Variants in PRX observed in about 807,000 individuals in gnomAD.
The protein encoded by PRX is periaxin.
PRX carries 24 observed loss-of-function variants against 29.6 expected under a neutral mutation model. That is an observed-to-expected ratio of 0.81 (90% CI 0.59 to 1.14). The LOEUF is 1.14. Among genes scored for constraint, PRX ranks in the 50% most tolerant of loss-of-function variants. The pLI, the probability that PRX is intolerant of heterozygous loss-of-function variation, is 0.00. For missense variants in PRX, 1,838 were observed against 1,926.4 expected (o/e 0.95, Z 0.86); for synonymous variants, 772 against 831.7 (o/e 0.93, Z 1.24).
chr19:40,396,104 C>G lies in PRX; in HGVS notation c.2248G>C (p.Val750Leu), dbSNP rs762786565. 3 of 1,614,234 alleles carry G rather than the reference C, an allele frequency of 1.9e-6. No individual in the cohort carries two copies. Among genetic ancestry groups the G allele is most frequent in the Non-Finnish European group, 2.5e-6 (3 of 1,180,046 alleles). Residue 750 changes from valine to leucine, a missense_variant, in exon 7 of 7, where the codon GTG becomes CTG. By Grantham distance (32) the Val-to-Leu change is conservative. Transcript: ENST00000324001. ...ATTTCCGGCAGCCGAATCTCTGACA[C>G]TTTCGGCAGCTGCACCTCGGGGAGG... Reference protein sequence around the residue: ...VHLPEVQLPKVSEIRLPEMQV... With the variant: ...VHLPEVQLPKLSEIRLPEMQV...
At chr19:40,407,498 C>T (rs942542704) in intron 4 of PRX, 1 of 276,356 alleles carries the variant, frequency 3.6e-6, no homozygotes, top group Non-Finnish European at 7.1e-6. Flanking sequence ...ACAGGGTCTT[C>T]CTATGTTGCC....
intron 1 of PRX, among the ~76,000 whole-genome samples, chr19:40,411,257 C>G (rs1190708528): frequency 1.3e-5 from 2 of 152,100 alleles, no homozygotes; most frequent in Non-Finnish European, 2.9e-5. Flanking sequence ...AGGCCAGGTG[C>G]CGGGCCTGGA....
rs111252437 is a variant in PRX, at chr19:40,396,109, G to A, written c.2243C>T (p.Pro748Leu). 2.1e-5 allele frequency: 34 copies of A among 1,614,122 alleles called. 1 individual carries two copies. The highest frequency in any genetic ancestry group is 2.0e-4 in the African/African-American group (15 of 75,012). The part of the protein sequence containing the change: ...PDVHLPEVQL[P>L]KVSEIRLPEM... ...CGGCAGCCGAATCTCTGACACTTTCGGCAGCTGCACCTCGGGGAGGTGCAC... is the reference window on the plus strand; with the variant it reads ...CGGCAGCCGAATCTCTGACACTTTCAGCAGCTGCACCTCGGGGAGGTGCAC... The change falls in exon 7 of 7, where the codon CCG (proline) becomes CTG (leucine). Residue 748 changes from proline to leucine, a missense_variant. By Grantham distance (98) the Pro-to-Leu change is moderately conservative. Transcript: ENST00000324001.
intron 5 of PRX, among the ~76,000 whole-genome samples, chr19:40,399,383 G>A (rs1293167012): frequency 6.6e-6 from 1 of 152,156 alleles, no homozygotes; most frequent in African/African-American, 2.4e-5. Context: ...CTCCCCCGGA[G>A]CTCCTGCCCC....
chr19:40,414,700 C>T (rs1568720425), upstream of PRX, among the ~76,000 whole-genome samples: 1 of 152,178 alleles, frequency 6.6e-6, no homozygotes, highest in Non-Finnish European at 1.5e-5. Flanking sequence ...CCTGACTCAC[C>T]AGACCCCGGG....
intron 5 of PRX, among the ~76,000 whole-genome samples, chr19:40,401,110 C>T (rs1396536543): frequency 6.6e-6 from 1 of 152,160 alleles, no homozygotes; most frequent in Non-Finnish European, 1.5e-5. Context: ...AACCCTCTTT[C>T]CATCATACCC....
In PRX at chr19:40,395,565, G is replaced by C; in HGVS notation, c.2787C>G (p.Ser929=). The C allele has an allele frequency of 6.2e-7, 1 of 1,614,126 alleles. No individual in the cohort carries two copies. The highest frequency in any genetic ancestry group is 1.1e-5 in the South Asian group (1 of 91,082). Reference sequence around the variant, plus strand: ...GTCCAAACTTAGGTAAGGAGAACTTGGAAGAGGGCTTGACTTTTGTCTCTA... The same window carrying C: ...GTCCAAACTTAGGTAAGGAGAACTTCGAAGAGGGCTTGACTTTTGTCTCTA... ...EMIETKVKPS[S]KFSLPKFGLS... The change falls in exon 7 of 7, where the codon TCC becomes TCG. Residue 929 remains serine (S), a synonymous_variant. Coordinates refer to ENST00000324001, the MANE Select transcript of PRX (RefSeq NM_181882.3).
At position 40,409,451 on chromosome 19, in the gene PRX, C is replaced by CTATTATTATTATTAT. The variant is rs141778541; in HGVS notation, c.-242-1083_-242-1069dup. Among the ~76,000 whole-genome samples, 821 of 142,346 alleles carry CTATTATTATTATTAT rather than the reference C, an allele frequency of 5.8e-3. 2 individuals carry two copies. The highest frequency in any genetic ancestry group is 9.9e-3 in the African/African-American group (381 of 38,332). The allele number at this position is 142,346 out of a possible 152,430, so 93.4% of individuals were successfully genotyped here. ...CTGGCAGGTGCTTTATAAATACTTG[C>CTATTATTATTATTAT]TATTATTATTATTATTATTATTATT... On this transcript the variant is annotated intron_variant, in intron 1 of 6. Transcript: ENST00000324001.
chr19:40,405,132 C>T (rs2079522859), intron 4 of PRX, among the ~76,000 whole-genome samples: 1 of 151,974 alleles, frequency 6.6e-6, no homozygotes, highest in Admixed American at 6.6e-5. Context: ...AGGGGGTCTG[C>T]GTGGGTAATG....
In PRX at chr19:40,398,209, A is replaced by G; in HGVS notation, c.382-239T>C. On this transcript the variant is annotated intron_variant, in intron 6 of 6. Coordinates refer to ENST00000324001, the MANE Select transcript of PRX (RefSeq NM_181882.3). This position sits in a 1 kb window ranked among gnomAD's most constrained non-coding sequence, Gnocchi z 6.3. ...GTAGGGACGGGGACCCAAGACTTCT[A>G]GATCCTGATCCGGGATTTTCCCCAA... The G allele has an allele frequency of 7.1e-7, 1 of 1,418,236 alleles. No homozygotes were observed. Among genetic ancestry groups the G allele is most frequent in the Non-Finnish European group, 9.2e-7 (1 of 1,092,000 alleles). 87.9% of individuals were successfully genotyped at this position (1,418,236 alleles called of 1,614,324 possible).
Position 40,396,666 on chromosome 19 carries a change from C to T in PRX, c.1686G>A (p.Val562=), listed in dbSNP as rs754681194. 6.2e-7 allele frequency: 1 copy of T among 1,613,942 alleles called. No individual in the cohort carries two copies. The highest frequency in any genetic ancestry group is 1.1e-5 in the South Asian group (1 of 91,042). ...SEMKLPEVSE[V]AVPEVRLPEV... is the part of the protein sequence containing the mutation. ...CTGGAAGCCGCACCTCTGGCACAGCCACCTCTGACACCTCTGGGAGTTTCA... is the reference window on the plus strand; with the variant it reads ...CTGGAAGCCGCACCTCTGGCACAGCTACCTCTGACACCTCTGGGAGTTTCA... Residue 562 remains valine, a synonymous_variant, in exon 7 of 7, where the codon GTG becomes GTA. Coordinates refer to ENST00000324001, the MANE Select transcript of PRX (RefSeq NM_181882.3).
In PRX at chr19:40,396,165, G is replaced by T. The variant is rs2145728999; in HGVS notation, c.2187C>A (p.Leu729=). ...VPDMKLPEIK[L]PKVPEMAVPD... is the part of the protein sequence containing the mutation. ...GCACAGCCATCTCAGGCACCTTGGGGAGTTTTATCTCTGGGAGCTTCATGT... is the reference window on the plus strand; with the variant it reads ...GCACAGCCATCTCAGGCACCTTGGGTAGTTTTATCTCTGGGAGCTTCATGT... Residue 729 remains leucine, a synonymous_variant, in exon 7 of 7, where the codon CTC becomes CTA. Transcript: ENST00000324001. 6.2e-7 allele frequency: 1 copy of T among 1,613,508 alleles called. No homozygotes were observed. Among genetic ancestry groups the T allele is most frequent in the Admixed American group, 1.7e-5 (1 of 59,994 alleles).
intron 4 of PRX, among the ~76,000 whole-genome samples, chr19:40,407,212 TTGTG>T (rs72256185): frequency 0.1 from 13,873 of 133,624 alleles, 780 homozygotes; most frequent in African/African-American, 0.16. Context: ...TTATATGCCC[TTGTG>T]TGTGTGTGTG....
intron 4 of PRX, among the ~76,000 whole-genome samples, chr19:40,406,996 A>G (rs969527252): frequency 6.6e-6 from 1 of 151,652 alleles, no homozygotes; most frequent in African/African-American, 2.4e-5. Flanking sequence ...CTGGTCCCGA[A>G]CTCCTAACCT....
rs551628239 is a variant in PRX, at chr19:40,397,710, G to A, written c.642C>T (p.Pro214=). The stretch of plus-strand genomic sequence containing the variant: ...CCTCAGCCTCCACCTTGGCTTTCCT[G>A]GGGGGAGGAGCGGCGGCGGCCAGCC... ...AARLAAAAPP[P]RKAKVEAEVA... Residue 214 remains proline, a synonymous_variant, in exon 7 of 7, where the codon CCC becomes CCT. Coordinates refer to ENST00000324001, the MANE Select transcript of PRX (RefSeq NM_181882.3). 3 of 1,561,428 alleles carry A rather than the reference G, an allele frequency of 1.9e-6. No individual in the cohort carries two copies. The highest frequency in any genetic ancestry group is 2.6e-6 in the Non-Finnish European group (3 of 1,157,634).
chr19:40,405,134 T>A (rs1269132129), intron 4 of PRX, among the ~76,000 whole-genome samples: 1 of 152,026 alleles, frequency 6.6e-6, no homozygotes, highest in African/African-American at 2.4e-5. Context: ...GGGGTCTGCG[T>A]GGGTAATGAA....
intron 5 of PRX, among the ~76,000 whole-genome samples, chr19:40,400,701 G>A (rs569645055): frequency 4.7e-5 from 7 of 150,244 alleles, no homozygotes; most frequent in Admixed American, 1.3e-4. Flanking sequence ...AGGCTCCAGC[G>A]ATCCTCCTGC....
Position 40,398,795 on chromosome 19 carries a change from C to T in PRX, c.206G>A (p.Arg69Gln). 1 of 1,614,066 alleles carries T rather than the reference C, an allele frequency of 6.2e-7. No homozygotes were observed. The highest frequency in any genetic ancestry group is 8.5e-7 in the Non-Finnish European group (1 of 1,179,968). Reference protein sequence around the residue: ...LQEGDQLLSARVFFENFKYED... With the variant: ...LQEGDQLLSAQVFFENFKYED... The stretch of plus-strand genomic sequence containing the variant: ...GTACTTGAAGTTCTCGAAGAACACT[C>T]GGGCACTCAGCAGCTGGTCCCCTGC... The change falls in exon 6 of 7, where the codon CGA (arginine) becomes CAA (glutamine). Residue 69 changes from arginine to glutamine, a missense_variant. Transcript: ENST00000324001. The surrounding 1 kb of genome is among the most constrained non-coding windows in gnomAD (Gnocchi z 6.3).
rs1452629797 is a variant in PRX, at chr19:40,397,650, C to T, written c.702G>A (p.Val234=). 3.9e-6 allele frequency: 6 copies of T among 1,548,836 alleles called. No individual in the cohort carries two copies. Among genetic ancestry groups the T allele is most frequent in the Middle Eastern group, 1.7e-4 (1 of 5,724 alleles). ...AAGARFTAPQ[V]ELVGPRLPGA... ...CTGGCAGCCGCGGCCCAACCAGCTC[C>T]ACCTGAGGGGCTGTGAAACGAGCTC... The change falls in exon 7 of 7, where the codon GTG becomes GTA. Residue 234 remains valine, a synonymous_variant. Coordinates refer to ENST00000324001, the MANE Select transcript of PRX (RefSeq NM_181882.3).
Sources: allele counts gnomAD v4.1 joint callset (sites outside exome capture counted in the v4.1 genomes callset), GRCh38; gene constraint gnomAD v4.1.1; non-coding constraint Gnocchi (gnomAD v3.1); transcripts MANE v1.5; gene names NCBI Gene and HGNC (gene_info 2026-07-23, HGNC 2026-07-21).